The following CHST9 variants were observed in gnomAD, a reference collection of about 807,000 sequenced individuals.
CHST9 encodes the protein carbohydrate sulfotransferase 9.
A neutral mutation model predicts 44.4 loss-of-function variants in CHST9; 41 were observed. That is an observed-to-expected ratio of 0.92 (90% CI 0.72 to 1.20). CHST9 has a LOEUF of 1.20. Ranked by LOEUF, CHST9 falls within the 50% of genes most tolerant of loss-of-function variation. The probability of loss-of-function intolerance (pLI) is 0.00; values close to 1 mark genes in which losing one functional copy is unlikely to be tolerated. For missense variants in CHST9, 504 were observed against 516.5 expected (o/e 0.98, Z 0.23); for synonymous variants, 171 against 178.4 (o/e 0.96, Z 0.33).
At chr18:27,140,508 C>T (rs1049343424) in intron 2 of CHST9, among the ~76,000 whole-genome samples, 7 of 152,316 alleles carry the variant, frequency 4.6e-5, no homozygotes, top group Non-Finnish European at 1.0e-4. Context: ...GTAGTCTATA[C>T]ATATGAATAT....
chr18:26,943,296 A>T (rs916724041), intron 5 of CHST9, among the ~76,000 whole-genome samples: 3 of 152,220 alleles, frequency 2.0e-5, no homozygotes, highest in Non-Finnish European at 4.4e-5. Flanking sequence ...GAAAAATAGT[A>T]TATTAGCCAA....
At chr18:27,114,939 G>A in intron 2 of CHST9, among the ~76,000 whole-genome samples, 1 of 152,102 alleles carries the variant, frequency 6.6e-6, no homozygotes, top group East Asian at 1.9e-4. Context: ...CACGTGTCAA[G>A]GATGGAACCA....
chr18:27,107,763 T>C (rs896477816), intron 2 of CHST9, among the ~76,000 whole-genome samples: 7 of 152,192 alleles, frequency 4.6e-5, no homozygotes, highest in African/African-American at 1.4e-4. Context: ...GGAAAACTTA[T>C]GAGGACTTGA....
At chr18:26,972,127 C>A (rs887014726) in intron 4 of CHST9, among the ~76,000 whole-genome samples, 10 of 151,852 alleles carry the variant, frequency 6.6e-5, no homozygotes, top group Non-Finnish European at 1.0e-4. Context: ...GAGGCCGAGG[C>A]GGGCGGATCA....
At chr18:27,040,675 A>G (rs2057435058) in intron 3 of CHST9, among the ~76,000 whole-genome samples, 1 of 152,154 alleles carries the variant, frequency 6.6e-6, no homozygotes, top group Non-Finnish European at 1.5e-5. Flanking sequence ...CAGACAATGT[A>G]TATGATTGAT....
At chr18:27,169,840 G>A (rs1390673931) in intron 1 of CHST9, among the ~76,000 whole-genome samples, 1 of 151,930 alleles carries the variant, frequency 6.6e-6, no homozygotes, top group East Asian at 1.9e-4. Context: ...ATCTCCTAAC[G>A]TCGTGATCCT....
Position 26,915,058 on chromosome 18 carries a change from A to G in CHST9, c.*1201T>C, listed in dbSNP as rs2055494301. On this transcript the variant is annotated 3_prime_UTR_variant, in exon 6 of 6. Coordinates refer to ENST00000618847, the MANE Select transcript of CHST9 (RefSeq NM_031422.6). ...TTACAACTATTCATAAGGGTGACAC[A>G]TGGACCTATTTTTCTAAGGACTTTG... The G allele has an allele frequency of 2.5e-6, 1 of 397,226 alleles. No homozygotes were observed. The highest frequency in any genetic ancestry group is 4.4e-6 in the Non-Finnish European group (1 of 225,168). 24.6% of individuals were successfully genotyped at this position (397,226 alleles called of 1,614,324 possible).
chr18:26,942,648 G>A (rs549555791), intron 5 of CHST9, among the ~76,000 whole-genome samples: 1 of 152,238 alleles, frequency 6.6e-6, no homozygotes, highest in East Asian at 1.9e-4. Flanking sequence ...GTTAATAAGG[G>A]AAACAGGTAG....
intron 4 of CHST9, among the ~76,000 whole-genome samples, chr18:26,964,016 A>G (rs2056433156): frequency 6.6e-6 from 1 of 152,254 alleles, no homozygotes; most frequent in Non-Finnish European, 1.5e-5. Context: ...GGAAGCAAAT[A>G]GTTCTTCTTA....
intron 1 of CHST9, among the ~76,000 whole-genome samples, chr18:27,162,193 C>A (rs1419441078): frequency 6.6e-6 from 1 of 152,176 alleles, no homozygotes; most frequent in Non-Finnish European, 1.5e-5. Context: ...GATGCAGTTT[C>A]TTCCTAGCCT....
rs116157794 is a variant in CHST9, at chr18:27,154,557, A to G, written c.-96-11652T>C. On this transcript the variant is annotated intron_variant, in intron 1 of 5. Coordinates refer to ENST00000618847, the MANE Select transcript of CHST9 (RefSeq NM_031422.6). ...AAGCTGACTGAAAATAAAGAAGACCACAGGCATTCAAGTCAACAGATTAGC... is the reference window on the plus strand; with the variant it reads ...AAGCTGACTGAAAATAAAGAAGACCGCAGGCATTCAAGTCAACAGATTAGC... Among the ~76,000 whole-genome samples, 689 of 152,292 alleles carry G rather than the reference A, an allele frequency of 4.5e-3. 4 individuals carry two copies. Among genetic ancestry groups the G allele is most frequent in the African/African-American group, 0.015 (613 of 41,566 alleles).
At chr18:27,095,996 T>A (rs2143733189) in intron 2 of CHST9, among the ~76,000 whole-genome samples, 1 of 152,186 alleles carries the variant, frequency 6.6e-6, no homozygotes, top group East Asian at 1.9e-4. Context: ...TTTTAAAATC[T>A]GCACATGGAA....
intron 2 of CHST9, among the ~76,000 whole-genome samples, chr18:27,114,885 T>TCC (rs904825180): frequency 3.3e-5 from 5 of 152,288 alleles, no homozygotes; most frequent in African/African-American, 1.2e-4. Flanking sequence ...TTTGGCTGTG[T>TCC]CCCCACCCAA....
chr18:27,102,055 G>T (rs2058177750), intron 2 of CHST9, among the ~76,000 whole-genome samples: 1 of 152,178 alleles, frequency 6.6e-6, no homozygotes, highest in Admixed American at 6.5e-5. Flanking sequence ...CCCACTAACT[G>T]AAGAATTTTC....
At chr18:27,052,258 ATATATATGTG>A (rs1411536722) in intron 2 of CHST9, among the ~76,000 whole-genome samples, 1 of 139,136 alleles carries the variant, frequency 7.2e-6, no homozygotes. Flanking sequence ...GTGTGTGTAT[ATATATATGTG>A]TATATATATG....
intron 1 of CHST9, among the ~76,000 whole-genome samples, chr18:27,173,764 A>C (rs945261044): frequency 1.3e-5 from 2 of 151,988 alleles, no homozygotes; most frequent in Non-Finnish European, 2.9e-5. Flanking sequence ...AAGATATAAA[A>C]ATTATTTTAT....
intron 2 of CHST9, among the ~76,000 whole-genome samples, chr18:27,121,991 T>G (rs1267468183): frequency 1.3e-5 from 2 of 152,242 alleles, no homozygotes; most frequent in Non-Finnish European, 2.9e-5. Context: ...ATGTGGCTTA[T>G]TCTGGGGTGT....
intron 4 of CHST9, among the ~76,000 whole-genome samples, chr18:26,945,920 T>G (rs1337960552): frequency 6.6e-6 from 1 of 152,094 alleles, no homozygotes; most frequent in Non-Finnish European, 1.5e-5. Context: ...CTTAAAAATT[T>G]TGTTAAGTAT....
intron 4 of CHST9, among the ~76,000 whole-genome samples, chr18:26,955,224 G>GTTTTTTTTTTTTTTTTTTT: frequency 7.2e-6 from 1 of 138,446 alleles, no homozygotes; most frequent in Non-Finnish European, 1.6e-5. Context: ...CCAGAATTCT[G>GTTTTTTTTTTTTTTTTTTT]TTTTTTTTTT....
Sources: allele counts gnomAD v4.1 joint callset (sites outside exome capture counted in the v4.1 genomes callset), GRCh38; gene constraint gnomAD v4.1.1; transcripts MANE v1.5; gene names NCBI Gene and HGNC (gene_info 2026-07-23, HGNC 2026-07-21).